Variants in RPS6KA2 observed in about 807,000 individuals in gnomAD.
RPS6KA2 encodes ribosomal protein S6 kinase alpha-2.
A neutral mutation model predicts 91.8 loss-of-function variants in RPS6KA2; 42 were observed. The observed-to-expected ratio is 0.46, with a 90% CI of 0.36 to 0.59. The LOEUF (loss-of-function observed/expected upper bound fraction) is 0.59. Ranked by LOEUF, RPS6KA2 falls within the 20% of genes least tolerant of loss-of-function variation. The pLI, the probability that RPS6KA2 is intolerant of heterozygous loss-of-function variation, is 0.00. For synonymous variants in RPS6KA2, 414 were observed against 393.6 expected (o/e 1.05, Z -0.61); for missense variants, 798 against 978.5 (o/e 0.82, Z 2.46).
At chr6:166,805,204 C>T (rs1024861767) in intron 2 of RPS6KA2, among the ~76,000 whole-genome samples, 1 of 152,238 alleles carries the variant, frequency 6.6e-6, no homozygotes, top group Non-Finnish European at 1.5e-5. Context: ...CCACCCCCAG[C>T]CCTCTATCAG....
intron 1 of RPS6KA2, chr6:166,862,010 A>G: frequency 6.7e-7 from 1 of 1,485,884 alleles, no homozygotes; most frequent in East Asian, 2.3e-5. Flanking sequence ...ATAGTCACCT[A>G]ATGGACATGA....
chr6:166,604,175 T>C (rs970763739), intron 1 of RPS6KA2, among the ~76,000 whole-genome samples: 9 of 152,198 alleles, frequency 5.9e-5, no homozygotes, highest in Admixed American at 3.3e-4. Context: ...CACATTCCCC[T>C]GTGGACAGCT....
chr6:166,778,751 A>C lies in RPS6KA2; in HGVS notation c.123+79449T>G, dbSNP rs1778690317. On this transcript the variant is annotated intron_variant, in intron 2 of 21. Coordinates refer to the RPS6KA2 transcript ENST00000503859. ...ATTGCACTCCAGCCCGGGTGACAAG[A>C]GTGAAACTCTATCAAAAAAACAACA... Among the ~76,000 whole-genome samples the C allele has an allele frequency of 2.6e-5, 4 of 152,200 alleles. No homozygotes were observed. In the South Asian group the frequency reaches 8.3e-4, roughly 31 times the overall value.
intron 11 of RPS6KA2, chr6:166,460,532 G>C (rs1780240790): frequency 6.6e-6 from 1 of 152,516 alleles, no homozygotes; most frequent in Non-Finnish European, 1.5e-5. Context: ...GGCCTGACTG[G>C]AAGGCCGAGG....
intron 2 of RPS6KA2, among the ~76,000 whole-genome samples, chr6:166,856,830 C>G (rs1448903951): frequency 6.6e-6 from 1 of 152,204 alleles, no homozygotes; most frequent in Admixed American, 6.5e-5. Flanking sequence ...TCAGGAGAGT[C>G]ACTGCCTCAT....
chr6:166,671,878 G>A (rs992777074), intron 2 of RPS6KA2, among the ~76,000 whole-genome samples: 1 of 152,168 alleles, frequency 6.6e-6, no homozygotes, highest in African/African-American at 2.4e-5. Flanking sequence ...GATGCAAATT[G>A]GGTGGGGCAG....
chr6:166,491,865 TG>T (rs374495259), intron 8 of RPS6KA2, among the ~76,000 whole-genome samples: 1 of 152,378 alleles, frequency 6.6e-6, no homozygotes, highest in African/African-American at 2.4e-5. Flanking sequence ...GATAAGGTTT[TG>T]TATACTAACT....
chr6:166,799,100 C>A (rs898324159), intron 2 of RPS6KA2, among the ~76,000 whole-genome samples: 3 of 152,230 alleles, frequency 2.0e-5, no homozygotes, highest in Non-Finnish European at 4.4e-5. Context: ...CATAGCAAAT[C>A]TTTTTCCATT....
intron 16 of RPS6KA2, among the ~76,000 whole-genome samples, chr6:166,424,587 C>A (rs1337041266): frequency 6.6e-6 from 1 of 152,188 alleles, no homozygotes; most frequent in Non-Finnish European, 1.5e-5. Context: ...AGTGGGAGTC[C>A]AACCCCACTG....
chr6:166,523,642 C>T (rs1782930853), intron 3 of RPS6KA2, among the ~76,000 whole-genome samples: 1 of 152,162 alleles, frequency 6.6e-6, no homozygotes, highest in African/African-American at 2.4e-5. Context: ...ATTTTCCTTA[C>T]TTTTTTCTCC....
At chr6:166,742,856 A>G (rs551267648) in intron 2 of RPS6KA2, among the ~76,000 whole-genome samples, 1 of 152,348 alleles carries the variant, frequency 6.6e-6, no homozygotes, top group East Asian at 1.9e-4. Flanking sequence ...GAAGCCAGAC[A>G]CACAAACAGA....
intron 2 of RPS6KA2, among the ~76,000 whole-genome samples, chr6:166,640,820 G>A (rs963696635): frequency 9.5e-5 from 14 of 146,704 alleles, no homozygotes; most frequent in African/African-American, 3.5e-4. Flanking sequence ...AGGGTGTGGG[G>A]GGTCGGATCC....
At chr6:166,775,208 AAC>A (rs1778581952) in intron 2 of RPS6KA2, among the ~76,000 whole-genome samples, 1 of 152,014 alleles carries the variant, frequency 6.6e-6, no homozygotes, top group Non-Finnish European at 1.5e-5. Flanking sequence ...GGCTTTGATA[AAC>A]ACCCTGGGCC....
rs1781675586 is a variant in RPS6KA2, at chr6:166,493,438, A to G, written c.748-2697T>C. Among the ~76,000 whole-genome samples, 1 of 152,104 alleles carries G rather than the reference A, an allele frequency of 6.6e-6. No individual in the cohort carries two copies. The highest frequency in any genetic ancestry group is 6.5e-5 in the Admixed American group (1 of 15,280). On this transcript the variant is annotated intron_variant, in intron 8 of 20. Coordinates refer to ENST00000265678, the MANE Select transcript of RPS6KA2 (RefSeq NM_021135.6). This position sits in a 1 kb window ranked among gnomAD's most constrained non-coding sequence, Gnocchi z 4.7. ...TGATGAGTTTCTTGGGACGTTATTTACAGTAAGACTTTTGCTGTGTTGCTG... is the reference window on the plus strand; with the variant it reads ...TGATGAGTTTCTTGGGACGTTATTTGCAGTAAGACTTTTGCTGTGTTGCTG...
chr6:166,520,818 G>A (rs1349137674), intron 3 of RPS6KA2, among the ~76,000 whole-genome samples: 1 of 152,206 alleles, frequency 6.6e-6, no homozygotes, highest in Non-Finnish European at 1.5e-5. Flanking sequence ...AAGTCAGTAT[G>A]GACCAGCCAT....
At chr6:166,805,662 A>G (rs999032756) in intron 2 of RPS6KA2, among the ~76,000 whole-genome samples, 14 of 152,226 alleles carry the variant, frequency 9.2e-5, no homozygotes, top group Non-Finnish European at 1.6e-4. Context: ...AGGAAGGAGA[A>G]TCTGACCTTC....
At chr6:166,684,625 A>C (rs923689739) in intron 2 of RPS6KA2, among the ~76,000 whole-genome samples, 1 of 152,118 alleles carries the variant, frequency 6.6e-6, no homozygotes, top group Admixed American at 6.5e-5. Context: ...GGGTGCAGTC[A>C]TCCTCAAGCC....
At chr6:166,567,532 A>G (rs754627789) in intron 1 of RPS6KA2, among the ~76,000 whole-genome samples, 1 of 152,244 alleles carries the variant, frequency 6.6e-6, no homozygotes, top group Non-Finnish European at 1.5e-5. Flanking sequence ...CAGATTAACT[A>G]TGGGCACATG....
rs1452478370 is a variant in RPS6KA2, at chr6:166,448,963, G to A, written c.1207-114C>T. 1.2e-5 allele frequency: 16 copies of A among 1,328,670 alleles called. No homozygotes were observed. In the South Asian group the frequency reaches 1.5e-4, roughly 12 times the overall value. The allele number at this position is 1,328,670 out of a possible 1,614,324, so 82.3% of individuals were successfully genotyped here. On this transcript the variant is annotated intron_variant, in intron 13 of 20. Transcript: ENST00000265678. This position sits in a 1 kb window ranked among gnomAD's most constrained non-coding sequence, Gnocchi z 4.7. ...GAGGCACCGACTGTGAACTGAGTGT[G>A]TGGAGGCCTGGGAGCTCATGGGTCC...
Sources: allele counts gnomAD v4.1 joint callset (sites outside exome capture counted in the v4.1 genomes callset), GRCh38; gene constraint gnomAD v4.1.1; non-coding constraint Gnocchi (gnomAD v3.1); transcripts MANE v1.5; gene names NCBI Gene and HGNC (gene_info 2026-07-23, HGNC 2026-07-21).